Variants in NEU3 observed in about 807,000 individuals in gnomAD.
NEU3 encodes the protein neuraminidase 3.
Under a neutral mutation model 11.4 loss-of-function variants are expected in NEU3, and 10 were observed. The observed-to-expected ratio is 0.88, with a 90% CI of 0.54 to 1.49. The LOEUF (loss-of-function observed/expected upper bound fraction) is 1.49, where lower values mean the gene tolerates loss of function less well. Ranked by LOEUF, NEU3 falls within the 40% of genes most tolerant of loss-of-function variation. The pLI is 0.00. For synonymous variants in NEU3, 212 were observed against 228.2 expected (o/e 0.93, Z 0.64); for missense variants, 529 against 581.8 (o/e 0.91, Z 0.93).
At position 75,008,301 on chromosome 11, in the gene NEU3, A is replaced by G. The variant is rs538767967; in HGVS notation, c.*1809A>G. ...TGCACACTTTCCTCTACTTCCTTAT[A>G]TGAGGCCCACTGTCAGGGAAAACCT... On this transcript the variant is annotated 3_prime_UTR_variant, in exon 3 of 3. Transcript: ENST00000294064. 1 of 152,256 alleles carries G rather than the reference A, an allele frequency of 6.6e-6. No homozygotes were observed. The highest frequency in any genetic ancestry group is 6.5e-5 in the Admixed American group (1 of 15,294). 9.4% of individuals were successfully genotyped at this position (152,256 alleles called of 1,614,324 possible).
chr11:74,990,230 G>A, intron 1 of NEU3: 1 of 494,908 alleles, frequency 2.0e-6, no homozygotes, highest in South Asian at 3.2e-5. Context: ...TTACAAGCAA[G>A]GAATCCAAGA....
chr11:75,006,578 A>G lies in NEU3; in HGVS notation c.*86A>G. 6.9e-7 allele frequency: 1 copy of G among 1,444,106 alleles called. No homozygotes were observed. Among genetic ancestry groups the G allele is most frequent in the Non-Finnish European group, 9.2e-7 (1 of 1,083,176 alleles). 89.5% of individuals were successfully genotyped at this position (1,444,106 alleles called of 1,614,324 possible). A position where few individuals can be genotyped will look rare whatever the true frequency, so the allele number is the denominator to read the frequency against. On this transcript the variant is annotated 3_prime_UTR_variant, in exon 3 of 3. Transcript: ENST00000294064. ...TACTGAAGTCTACAGATAATCAAAA[A>G]ACTTAATATTCTGTTCCCTACCTTT...
chr11:75,005,673 G>A lies in NEU3; in HGVS notation c.567G>A (p.Trp189Ter). The change falls in exon 3 of 3, where the codon TGG (tryptophan) becomes TGA (stop). Residue 189 changes from tryptophan to a stop codon, truncating the protein, a stop_gained. Transcript: ENST00000294064. LOFTEE classifies it low-confidence loss of function (END_TRUNC). ...TCATTGGCTCAGAGCTGAAGCACTG[G>A]GCCACATTTGCTGTGGGCCCAGGTC... ...EEVIGSELKHWATFAVGPGHG... is the reference protein window; with the variant it reads ...EEVIGSELKH 1 of 1,613,988 alleles carries A rather than the reference G, an allele frequency of 6.2e-7. No homozygotes were observed. Among genetic ancestry groups the A allele is most frequent in the Non-Finnish European group, 8.5e-7 (1 of 1,179,888 alleles).
chr11:74,983,410 C>A (rs148573376), upstream of NEU3, among the ~76,000 whole-genome samples: 897 of 152,290 alleles, frequency 5.9e-3, 6 homozygotes, highest in African/African-American at 0.021. Flanking sequence ...TTAGTTACTC[C>A]TGTAGTACTC....
In NEU3 at chr11:74,989,082, C is replaced by G. The variant is rs1445872140; in HGVS notation, c.22C>G (p.Pro8Ala). MRPADLP[P>A]RPMEESPASS... Reference sequence around the variant, plus strand: ...GCGAATGAGACCTGCGGACCTGCCCCCGCGCCCCATGGAAGAATCCCCGGC... The same window carrying G: ...GCGAATGAGACCTGCGGACCTGCCCGCGCGCCCCATGGAAGAATCCCCGGC... Residue 8 changes from proline to alanine, a missense_variant, in exon 1 of 3, where the codon CCG becomes GCG. Coordinates refer to ENST00000294064, the MANE Select transcript of NEU3 (RefSeq NM_006656.6). The G allele has an allele frequency of 2.1e-5, 32 of 1,550,912 alleles. No individual in the cohort carries two copies. The highest frequency in any genetic ancestry group is 2.8e-5 in the Non-Finnish European group (32 of 1,146,936).
downstream of NEU3, among the ~76,000 whole-genome samples, chr11:75,013,081 C>T (rs1329681069): frequency 6.6e-6 from 1 of 152,194 alleles, no homozygotes; most frequent in Non-Finnish European, 1.5e-5. Flanking sequence ...CCAGGAGAGA[C>T]ATTGGGCTAG....
downstream of NEU3, among the ~76,000 whole-genome samples, chr11:75,015,682 C>T (rs1009464643): frequency 6.6e-6 from 1 of 152,142 alleles, no homozygotes; most frequent in African/African-American, 2.4e-5. Context: ...TTACCTGCCT[C>T]CTACTCACAC....
chr11:74,995,395 T>C lies in NEU3; in HGVS notation c.306+675T>C, dbSNP rs139875486. Among the ~76,000 whole-genome samples the C allele has an allele frequency of 3.2e-3, 485 of 152,306 alleles. 3 individuals are homozygous for C. The highest frequency in any genetic ancestry group is 0.011 in the African/African-American group (471 of 41,570). On this transcript the variant is annotated intron_variant, in intron 2 of 2. Coordinates refer to ENST00000294064, the MANE Select transcript of NEU3 (RefSeq NM_006656.6). Reference sequence around the variant, plus strand: ...TGGAGTTAGAGCCCTTCCTCTTCAGTAGAACATTTTGACTGTATTTTTAGT... The same window carrying C: ...TGGAGTTAGAGCCCTTCCTCTTCAGCAGAACATTTTGACTGTATTTTTAGT...
chr11:74,987,902 T>C (rs201797618), upstream of NEU3, among the ~76,000 whole-genome samples: 14,924 of 141,966 alleles, frequency 0.11, 1,029 homozygotes, highest in South Asian at 0.28. Context: ...TTTTTTCTTT[T>C]TTTTTTTTTT....
rs546769790 is a variant in NEU3 at position 74,994,726 on chromosome 11, T to C, written c.306+6T>C. ...GGATTGGGCAGTTGGTACAGGTGAC[T>C]CTTCATCCCAGATCTGAGTCTGGGC... is the stretch of plus-strand genomic sequence containing the variant. On this transcript the variant is annotated splice_donor_region_variant and intron_variant, in intron 2 of 2. Transcript: ENST00000294064. The C allele has an allele frequency of 6.2e-7, 1 of 1,612,390 alleles. No homozygotes were observed. Among genetic ancestry groups the C allele is most frequent in the Non-Finnish European group, 8.5e-7 (1 of 1,178,400 alleles).
intron 1 of NEU3, among the ~76,000 whole-genome samples, chr11:74,992,435 A>G (rs1948743074): frequency 6.6e-6 from 1 of 152,220 alleles, no homozygotes; most frequent in Admixed American, 6.5e-5. Context: ...TATTTATTGA[A>G]TCAATTGTTC....
At chr11:75,015,991 G>C (rs1303007698) in intron 3 of NEU3, among the ~76,000 whole-genome samples, 1 of 152,214 alleles carries the variant, frequency 6.6e-6, no homozygotes, top group Non-Finnish European at 1.5e-5. Flanking sequence ...CCGAGGACTG[G>C]ATAGTCTGTG....
At chr11:74,993,328 T>C (rs1053213462) in intron 1 of NEU3, among the ~76,000 whole-genome samples, 2 of 152,138 alleles carry the variant, frequency 1.3e-5, no homozygotes, top group African/African-American at 4.8e-5. Flanking sequence ...CTCAGCCTCC[T>C]GAGTAGCTGG....
At chr11:74,983,809 C>T (rs551411930), upstream of NEU3, among the ~76,000 whole-genome samples, 1 of 152,328 alleles carries the variant, frequency 6.6e-6, no homozygotes, top group South Asian at 2.1e-4. Flanking sequence ...ATCACTAATA[C>T]ATCCCACTGT....
chr11:74,995,237 C>A (rs922694199), intron 2 of NEU3, among the ~76,000 whole-genome samples: 1 of 152,116 alleles, frequency 6.6e-6, no homozygotes, highest in Non-Finnish European at 1.5e-5. Flanking sequence ...CAGGGGGATA[C>A]CAGTAATAAC....
chr11:74,982,249 A>G, the NEU3 span, among the ~76,000 whole-genome samples: 1 of 152,206 alleles, frequency 6.6e-6, no homozygotes, highest in African/African-American at 2.4e-5. Context: ...CACCCCCAAA[A>G]GTGCCACAAG....
chr11:74,988,477 T>C (rs951801299), upstream of NEU3: 1 of 152,440 alleles, frequency 6.6e-6, no homozygotes, highest in African/African-American at 2.4e-5. Context: ...AATCTATGTA[T>C]GTAAATGTGT....
Position 75,008,008 on chromosome 11 carries a change from A to G in NEU3, c.*1516A>G, listed in dbSNP as rs190289880. Reference sequence around the variant, plus strand: ...ATAAAAGTGGAGATTAACTTTACCTACTTTAGCAGATTGCTTAAGCCATGG... The same window carrying G: ...ATAAAAGTGGAGATTAACTTTACCTGCTTTAGCAGATTGCTTAAGCCATGG... On this transcript the variant is annotated 3_prime_UTR_variant, in exon 3 of 3. Transcript: ENST00000294064. 114 of 152,274 alleles carry G rather than the reference A, an allele frequency of 7.5e-4. No individual in the cohort carries two copies. The highest frequency in any genetic ancestry group is 3.4e-3 in the Middle Eastern group (1 of 294). 9.4% of individuals were successfully genotyped at this position (152,274 alleles called of 1,614,324 possible).
upstream of NEU3, among the ~76,000 whole-genome samples, chr11:74,985,626 T>C (rs917981293): frequency 8.5e-5 from 13 of 152,182 alleles, 1 homozygote; most frequent in Non-Finnish European, 4.4e-5. Flanking sequence ...CATATATGAC[T>C]AAGATTTATT....
Sources: gnomAD v4.1 joint callset for allele counts (sites outside exome capture counted in the v4.1 genomes callset) on GRCh38, gnomAD v4.1.1 for gene constraint, MANE v1.5 for transcripts, NCBI Gene and HGNC (gene_info 2026-07-23, HGNC 2026-07-21) for gene names.